CC2D2A: variants seen among roughly 807,000 people sequenced by gnomAD.
The protein encoded by CC2D2A is coiled-coil and C2 domain containing 2A.
Under a neutral mutation model 212.9 loss-of-function variants are expected in CC2D2A, and 155 were observed. The observed-to-expected ratio is 0.73, with a 90% CI of 0.64 to 0.83. CC2D2A has a LOEUF of 0.83. Ranked by LOEUF, CC2D2A falls within the 40% of genes least tolerant of loss-of-function variation. The pLI, the probability that CC2D2A is intolerant of heterozygous loss-of-function variation, is 0.00. For missense variants in CC2D2A, 1,856 were observed against 1,956.2 expected (o/e 0.95, Z 0.97); for synonymous variants, 667 against 686.5 (o/e 0.97, Z 0.44).
chr4:15,544,240 G>A (rs185328914), intron 17 of CC2D2A, among the ~76,000 whole-genome samples: 67 of 152,306 alleles, frequency 4.4e-4, no homozygotes, highest in South Asian at 2.1e-4. Context: ...CACACTTGCC[G>A]CTCCTCTGTC....
At chr4:15,487,536 C>T (rs9993748) in intron 4 of CC2D2A, among the ~76,000 whole-genome samples, 70,487 of 151,804 alleles carry the variant, frequency 0.46, 17,028 homozygotes, top group African/African-American at 0.58. Context: ...TGCATCTTTA[C>T]AGGTGAAATG....
chr4:15,487,866 A>G (rs1424136056), intron 4 of CC2D2A, among the ~76,000 whole-genome samples: 1 of 151,026 alleles, frequency 6.6e-6, no homozygotes, highest in African/African-American at 2.4e-5. Flanking sequence ...TCTTATAACC[A>G]GTTATTTTAA....
intron 33 of CC2D2A, among the ~76,000 whole-genome samples, chr4:15,590,188 G>T (rs1721037115): frequency 6.6e-6 from 1 of 152,090 alleles, no homozygotes; most frequent in South Asian, 2.1e-4. Flanking sequence ...TGATTTTATT[G>T]TGAAGGGTAC....
chr4:15,596,114 T>G lies in CC2D2A; in HGVS notation c.4344T>G (p.Ser1448=), dbSNP rs1223540044. 6.5e-7 allele frequency: 1 copy of G among 1,549,098 alleles called. No homozygotes were observed. The highest frequency in any genetic ancestry group is 1.4e-5 in the African/African-American group (1 of 72,950). Residue 1448 remains serine, a synonymous_variant, in exon 34 of 37, where the codon TCT becomes TCG. Coordinates refer to ENST00000424120, the MANE Select transcript of CC2D2A (RefSeq NM_001378615.1). ...GGTTTAATATTCAACGATATGAATC[T>G]CCACTAAGGATAAATTTTGATGTCA... is the stretch of plus-strand genomic sequence containing the variant. ...NIWFNIQRYE[S]PLRINFDVTR... is the part of the protein sequence containing the mutation.
chr4:15,520,454 A>G (rs989700364), intron 11 of CC2D2A, among the ~76,000 whole-genome samples: 5 of 152,208 alleles, frequency 3.3e-5, no homozygotes. Context: ...ATCATCATCC[A>G]TCCATCCATT....
In CC2D2A at chr4:15,557,566, T is replaced by C. The variant is rs146728265; in HGVS notation, c.2829+59T>C. The C allele has an allele frequency of 4.5e-6, 5 of 1,106,096 alleles. No homozygotes were observed. The East Asian group carries it at 7.8e-5, about 17-fold the overall frequency. 68.5% of individuals were successfully genotyped at this position (1,106,096 alleles called of 1,614,324 possible). On this transcript the variant is annotated intron_variant, in intron 21 of 36. Transcript: ENST00000424120. The stretch of plus-strand genomic sequence containing the variant: ...ATAAAGTACCTACTGTGCTGTTAGG[T>C]ATACTACTGTATATGTATTTTGTTT...
At chr4:15,559,301 C>G in intron 22 of CC2D2A, 44 bp downstream of exon 22, 2 of 1,267,482 alleles carry the variant, frequency 1.6e-6, no homozygotes, top group African/African-American at 1.5e-5. Context: ...GAGAAAAGAG[C>G]CAGCACCCTA....
chr4:15,492,215 G>A (rs1032718846), intron 4 of CC2D2A, among the ~76,000 whole-genome samples: 1 of 152,016 alleles, frequency 6.6e-6, no homozygotes, highest in African/African-American at 2.4e-5. Flanking sequence ...CTTTCTGTCT[G>A]CCCACATCCT....
Position 15,511,282 on chromosome 4 carries a change from T to C in CC2D2A, c.576T>C (p.Tyr192=), listed in dbSNP as rs536646769. The C allele has an allele frequency of 8.8e-5, 141 of 1,600,266 alleles. No homozygotes were observed. Among genetic ancestry groups the C allele is most frequent in the Non-Finnish European group, 1.1e-4 (133 of 1,174,940 alleles). The change falls in exon 8 of 37, where the codon TAT becomes TAC. Residue 192 remains tyrosine, a synonymous_variant. Transcript: ENST00000424120. ...GCTTCCCTTCTGCAGAAGAGGCCTA[T>C]AACTTCTTTACTTTCAACTTTGATC... is the stretch of plus-strand genomic sequence containing the variant. ...PPGFPSAEEA[Y]NFFTFNFDPE...
Position 15,514,791 on chromosome 4 carries a change from A to T in CC2D2A, c.802A>T (p.Arg268Ter). 2 of 1,613,672 alleles carry T rather than the reference A, an allele frequency of 1.2e-6. No homozygotes were observed. The highest frequency in any genetic ancestry group is 1.7e-6 in the Non-Finnish European group (2 of 1,179,644). Reference protein sequence around the residue: ...DHVADDFVAVRPADYESIHDR... With the variant: ...DHVADDFVAV ...CGTGGCTGACGATTTTGTAGCAGTC[A>T]GACCTGCAGATTATGAAAGCATCCA... Residue 268 changes from arginine to a stop codon, truncating the protein, a stop_gained, in exon 9 of 37, where the codon AGA (arginine) becomes TGA (stop). Coordinates refer to ENST00000424120, the MANE Select transcript of CC2D2A (RefSeq NM_001378615.1). LOFTEE classifies it high-confidence loss of function.
At chr4:15,477,789 T>C (rs953743695) in intron 2 of CC2D2A, among the ~76,000 whole-genome samples, 2 of 152,176 alleles carry the variant, frequency 1.3e-5, no homozygotes, top group African/African-American at 2.4e-5. Context: ...ACTTCCGTCC[T>C]CTGTTATTGC....
intron 4 of CC2D2A, among the ~76,000 whole-genome samples, chr4:15,484,928 C>T (rs578044653): frequency 1.3e-5 from 2 of 152,148 alleles, no homozygotes; most frequent in South Asian, 4.2e-4. Context: ...CACCTCTGCC[C>T]TCTTTCCTCT....
At chr4:15,591,134 A>G (rs568278745) in intron 33 of CC2D2A, among the ~76,000 whole-genome samples, 35 of 152,312 alleles carry the variant, frequency 2.3e-4, no homozygotes, top group African/African-American at 7.7e-4. Context: ...GTATCAATAT[A>G]CCAAAAACTA....
chr4:15,537,128 G>A, intron 15 of CC2D2A, 52 bp downstream of exon 15: 1 of 1,562,020 alleles, frequency 6.4e-7, no homozygotes, highest in Non-Finnish European at 8.7e-7. Context: ...AAGTGTCTGG[G>A]AGGGCAGCCT....
rs1229418241 is a variant in CC2D2A, at chr4:15,538,016, G to A, written c.1882G>A (p.Ala628Thr). ...KPSPPEPTDR[A>T]VIEQEVRERA... ...CAGCCCTCCAGAGCCCACTGATCGG[G>A]CAGTGATAGAGCAGGAGGTGAGGGA... Residue 628 changes from alanine (A) to threonine (T), a missense_variant, in exon 16 of 37, where the codon GCA (alanine) becomes ACA (threonine). Around this residue, in one of 5 missense-constraint regions of CC2D2A, gnomAD observed 1,512 missense variants for 1,579.3 expected, o/e 0.96. Coordinates refer to ENST00000424120, the MANE Select transcript of CC2D2A (RefSeq NM_001378615.1). 6.2e-7 allele frequency: 1 copy of A among 1,608,956 alleles called. No individual in the cohort carries two copies. Among genetic ancestry groups the A allele is most frequent in the African/African-American group, 1.3e-5 (1 of 74,852 alleles).
intron 14 of CC2D2A, among the ~76,000 whole-genome samples, chr4:15,536,651 C>G (rs1718145010): frequency 6.6e-6 from 1 of 152,066 alleles, no homozygotes; most frequent in Non-Finnish European, 1.5e-5. Context: ...CATGGCTGCT[C>G]AGTGTTCAGT....
chr4:15,574,313 C>G lies in CC2D2A; in HGVS notation c.3758C>G (p.Ser1253Cys). ...GAGCCCCAGCTGGTTCCTGGAGAGT[C>G]CATTCGAGAAAAGGTAACTACTTAT... ...TIEPQLVPGE[S>C]IREKFESQED... Residue 1253 changes from serine (S) to cysteine (C), a missense_variant, in exon 29 of 37, where the codon TCC becomes TGC. By Grantham distance (112) the Ser-to-Cys change is moderately radical. Transcript: ENST00000424120. The G allele has an allele frequency of 6.5e-7, 1 of 1,547,478 alleles. No homozygotes were observed. The highest frequency in any genetic ancestry group is 1.2e-5 in the South Asian group (1 of 83,074).
intron 35 of CC2D2A, among the ~76,000 whole-genome samples, chr4:15,598,065 C>T (rs1296963506): frequency 6.6e-6 from 1 of 152,134 alleles, no homozygotes; most frequent in Non-Finnish European, 1.5e-5. Flanking sequence ...TAGAAAATAT[C>T]GGTTTACACT....
intron 4 of CC2D2A, among the ~76,000 whole-genome samples, chr4:15,499,221 A>G (rs1320232495): frequency 6.6e-6 from 1 of 152,200 alleles, no homozygotes; most frequent in East Asian, 1.9e-4. Context: ...AATCTGTAGA[A>G]TATACAGCAC....
Sources: gnomAD v4.1 joint callset for allele counts (sites outside exome capture counted in the v4.1 genomes callset) on GRCh38, gnomAD v4.1.1 for gene constraint, gnomAD v4.1.1 regional missense constraint, MANE v1.5 for transcripts, NCBI Gene and HGNC (gene_info 2026-07-23, HGNC 2026-07-21) for gene names.